UBE2V2: variants seen among roughly 807,000 people sequenced by gnomAD.
The protein encoded by UBE2V2 is ubiquitin conjugating enzyme E2 V2.
A neutral mutation model predicts 17.2 loss-of-function variants in UBE2V2; 9 were observed. The ratio of observed to expected loss-of-function variants is 0.52; its 90% CI spans 0.32 to 0.91. UBE2V2 has a LOEUF of 0.91. Among genes scored for constraint, UBE2V2 ranks in the 40% least tolerant of loss-of-function variants. The probability of loss-of-function intolerance (pLI) is 0.04; values close to 1 mark genes in which losing one functional copy is unlikely to be tolerated. For missense variants in UBE2V2, 133 were observed against 182.6 expected, an observed-to-expected ratio of 0.73 and a Z score of 1.56; for synonymous variants, 61 against 57.5, an observed-to-expected ratio of 1.06 and a Z score of -0.28.
chr8:48,056,132 C>A (rs936613846), intron 3 of UBE2V2, among the ~76,000 whole-genome samples: 3 of 152,064 alleles, frequency 2.0e-5, no homozygotes, highest in Non-Finnish European at 2.9e-5. Context: ...TGTTCTTTGG[C>A]GACTTAACGT....
intron 1 of UBE2V2, among the ~76,000 whole-genome samples, chr8:48,015,959 G>A (rs574355959): frequency 4.7e-5 from 7 of 148,234 alleles, no homozygotes; most frequent in South Asian, 2.1e-4. Flanking sequence ...GTGCAGTGGC[G>A]CGTTCTCAGC....
Position 48,049,945 on chromosome 8 carries a change from T to C in UBE2V2, c.258T>C (p.Ile86=), listed in dbSNP as rs34213238. Residue 86 remains isoleucine, a synonymous_variant, in exon 3 of 4, where the codon ATT becomes ATC. Coordinates refer to ENST00000523111, the MANE Select transcript of UBE2V2 (RefSeq NM_003350.3). The part of the protein sequence containing the change: ...APPSVRFVTK[I]NMNGINNSSG... ...CGTCAGTTAGATTTGTAACAAAAAT[T>C]AATATGAACGGAATAAATAATTCCA... 1.3e-6 allele frequency: 2 copies of C among 1,575,702 alleles called. No homozygotes were observed. The highest frequency in any genetic ancestry group is 2.4e-5 in the South Asian group (2 of 84,626).
upstream of UBE2V2, among the ~76,000 whole-genome samples, chr8:48,004,589 T>C (rs895484074): frequency 6.6e-6 from 1 of 151,288 alleles, no homozygotes; most frequent in Admixed American, 6.6e-5. Context: ...TGGAGTGCAG[T>C]GGTGTGATCT....
chr8:48,021,971 C>T (rs148562418), intron 1 of UBE2V2, among the ~76,000 whole-genome samples: 7 of 152,108 alleles, frequency 4.6e-5, no homozygotes, highest in Admixed American at 1.3e-4. Flanking sequence ...TGAGCCACCA[C>T]GCCTGGCATA....
chr8:48,056,573 A>G (rs1391320175), intron 3 of UBE2V2, among the ~76,000 whole-genome samples: 1 of 152,146 alleles, frequency 6.6e-6, no homozygotes, highest in Non-Finnish European at 1.5e-5. Context: ...AAAAAAGGAA[A>G]AGGAGACAGG....
chr8:48,058,941 C>T (rs1802540072), intron 3 of UBE2V2, among the ~76,000 whole-genome samples: 1 of 152,122 alleles, frequency 6.6e-6, no homozygotes, highest in African/African-American at 2.4e-5. Flanking sequence ...GAGTCTTGCT[C>T]TGTCGCCCAG....
chr8:48,008,914 C>CT (rs763359857), intron 1 of UBE2V2, among the ~76,000 whole-genome samples: 8 of 152,156 alleles, frequency 5.3e-5, no homozygotes, highest in Non-Finnish European at 7.4e-5. Context: ...CCTTTGGACT[C>CT]TCCTTGACAT....
upstream of UBE2V2, among the ~76,000 whole-genome samples, chr8:48,004,198 T>C (rs1021331825): frequency 1.3e-5 from 2 of 152,092 alleles, no homozygotes; most frequent in African/African-American, 2.4e-5. Flanking sequence ...AGGAAGCAAA[T>C]GCAGGTTTTC....
At chr8:48,035,293 G>GTTTT (rs1563854480) in intron 1 of UBE2V2, among the ~76,000 whole-genome samples, 4 of 150,810 alleles carry the variant, frequency 2.7e-5, no homozygotes, top group African/African-American at 9.7e-5. Context: ...TTTTTTTTTG[G>GTTTT]TATTTTTAGT....
intron 1 of UBE2V2, among the ~76,000 whole-genome samples, chr8:48,012,289 C>T (rs964016733): frequency 2.6e-5 from 4 of 152,166 alleles, no homozygotes; most frequent in African/African-American, 9.7e-5. Context: ...CAGAGTTACC[C>T]ATGCAATTCA....
At chr8:48,051,191 AAGTT>A (rs1461932818) in intron 3 of UBE2V2, among the ~76,000 whole-genome samples, 15 of 152,180 alleles carry the variant, frequency 9.9e-5, no homozygotes, top group African/African-American at 2.4e-4. Flanking sequence ...TGACCCACAC[AAGTT>A]AGTTAGTAGA....
intron 1 of UBE2V2, among the ~76,000 whole-genome samples, chr8:48,029,365 A>T (rs1468423351): frequency 6.6e-6 from 1 of 152,174 alleles, no homozygotes; most frequent in African/African-American, 2.4e-5. Context: ...ACCATGTTTC[A>T]TGCAGGATAT....
intron 3 of UBE2V2, among the ~76,000 whole-genome samples, chr8:48,054,705 A>T (rs1024462066): frequency 2.0e-5 from 3 of 152,170 alleles, no homozygotes; most frequent in Non-Finnish European, 4.4e-5. Context: ...TAGTAATTTT[A>T]GTTTATACGT....
chr8:48,003,885 T>C (rs780656735), upstream of UBE2V2, among the ~76,000 whole-genome samples: 9 of 152,104 alleles, frequency 5.9e-5, no homozygotes, highest in Non-Finnish European at 1.0e-4. Flanking sequence ...ATAGTGCACC[T>C]GAGAGGCGGC....
intron 1 of UBE2V2, among the ~76,000 whole-genome samples, chr8:48,014,364 G>T (rs943393681): frequency 3.3e-5 from 5 of 152,196 alleles, no homozygotes; most frequent in African/African-American, 7.2e-5. Context: ...GCAGGAAAGG[G>T]CCGGGCATGG....
intron 1 of UBE2V2, among the ~76,000 whole-genome samples, chr8:48,020,370 C>T (rs2091296813): frequency 6.6e-6 from 1 of 152,118 alleles, no homozygotes; most frequent in East Asian, 1.9e-4. Flanking sequence ...CATTCCTTCA[C>T]CTTCAGTCTA....
chr8:48,050,025 G>C, intron 3 of UBE2V2, 47 bp downstream of exon 3: 3 of 1,302,128 alleles, frequency 2.3e-6, no homozygotes, highest in Non-Finnish European at 3.1e-6. Context: ...AATGTATAGA[G>C]TTATATATTA....
chr8:48,011,738 C>T (rs776131003), intron 1 of UBE2V2, among the ~76,000 whole-genome samples: 3 of 152,154 alleles, frequency 2.0e-5, no homozygotes, highest in Non-Finnish European at 2.9e-5. Context: ...ACTGCAGCCT[C>T]GACCTGCTGG....
Position 48,040,844 on chromosome 8 carries a change from G to GTTTTTT in UBE2V2, c.17-2172_17-2167dup, listed in dbSNP as rs71225699. Among the ~76,000 whole-genome samples, 148 of 74,118 alleles carry GTTTTTT rather than the reference G, an allele frequency of 2.0e-3. 1 individual carries two copies. The highest frequency in any genetic ancestry group is 0.018 in the Middle Eastern group (1 of 56). 48.6% of individuals were successfully genotyped at this position (74,118 alleles called of 152,430 possible). On this transcript the variant is annotated intron_variant, in intron 1 of 3. Transcript: ENST00000523111. Reference sequence around the variant, plus strand: ...GGTTTCATCATGTTGGCCAGGCTGGGTTTTTTTTTTTTTTTTTTTTTTGTG... The same window carrying GTTTTTT: ...GGTTTCATCATGTTGGCCAGGCTGGGTTTTTTTTTTTTTTTTTTTTTTTTTTTTGTG...
Sources: allele counts gnomAD v4.1 joint callset (sites outside exome capture counted in the v4.1 genomes callset), GRCh38; gene constraint gnomAD v4.1.1; transcripts MANE v1.5; gene names NCBI Gene and HGNC (gene_info 2026-07-23, HGNC 2026-07-21).